Variants in BCL2L11 observed in about 807,000 individuals in gnomAD.
BCL2L11 encodes the protein BCL2 like 11, also known as bcl-2-like protein 11.
A neutral mutation model predicts 20.6 loss-of-function variants in BCL2L11; 15 were observed. The observed-to-expected ratio is 0.73, with a 90% CI of 0.49 to 1.12. BCL2L11 has a LOEUF of 1.12. Ranked by LOEUF, BCL2L11 falls within the 50% of genes most tolerant of loss-of-function variation. The probability of loss-of-function intolerance (pLI) is 0.00; values close to 1 mark genes in which losing one functional copy is unlikely to be tolerated. For synonymous variants in BCL2L11, 108 were observed against 92.8 expected, an observed-to-expected ratio of 1.16 and a Z score of -0.94; for missense variants, 292 against 260.9, an observed-to-expected ratio of 1.12 and a Z score of -0.82.
chr2:111,146,591 A>T (rs1306087208), intron 2 of BCL2L11, among the ~76,000 whole-genome samples: 1 of 152,216 alleles, frequency 6.6e-6, no homozygotes, highest in Non-Finnish European at 1.5e-5. Context: ...GCTAAAGGAA[A>T]TAACAAAACT....
At chr2:111,141,700 G>GTT (rs113902453) in intron 2 of BCL2L11, among the ~76,000 whole-genome samples, 6 of 138,294 alleles carry the variant, frequency 4.3e-5, no homozygotes, top group Non-Finnish European at 6.2e-5. Context: ...ATTCTTGTGA[G>GTT]TTTTTTTTTT....
intron 2 of BCL2L11, among the ~76,000 whole-genome samples, chr2:111,147,327 A>ATCTCTCTCTCTCTCTC (rs367737247): frequency 4.1e-4 from 51 of 125,880 alleles, no homozygotes; most frequent in African/African-American, 1.4e-3. Context: ...AGCCTCCTGT[A>ATCTCTCTCTCTCTCTC]TCTCTCTCTC....
intron 3 of BCL2L11, among the ~76,000 whole-genome samples, chr2:111,160,283 T>C (rs1003005539): frequency 6.6e-5 from 10 of 152,212 alleles, no homozygotes; most frequent in Non-Finnish European, 1.2e-4. Context: ...GTGGTTTTTT[T>C]CCCTCTCATT....
chr2:111,165,467 C>T lies in BCL2L11; in HGVS notation c.*1236C>T, dbSNP rs1309029992. The T allele has an allele frequency of 6.6e-6, 1 of 152,278 alleles. No individual in the cohort carries two copies. The highest frequency in any genetic ancestry group is 1.5e-5 in the Non-Finnish European group (1 of 68,070). 9.4% of individuals were successfully genotyped at this position (152,278 alleles called of 1,614,324 possible). The stretch of plus-strand genomic sequence containing the variant: ...TCACTTTGAAACAGGCCTCATCCCA[C>T]TTCCACCAGCACCATAGAAGAATAA... On this transcript the variant is annotated 3_prime_UTR_variant, in exon 4 of 4. Transcript: ENST00000393256.
intron 2 of BCL2L11, among the ~76,000 whole-genome samples, chr2:111,142,054 A>G (rs1225567059): frequency 6.6e-6 from 1 of 152,214 alleles, no homozygotes; most frequent in African/African-American, 2.4e-5. Context: ...TCTAGGATAC[A>G]GACTCACTGG....
intron 2 of BCL2L11, chr2:111,130,057 C>G (rs2073588933): frequency 2.8e-6 from 1 of 363,408 alleles, no homozygotes; most frequent in Non-Finnish European, 5.3e-6. Context: ...GGCCCTGGCA[C>G]AGCTGGAACT....
rs770602406 is a variant in BCL2L11 at position 111,124,014 on chromosome 2, C to T, written c.269C>T (p.Ser90Phe). The T allele has an allele frequency of 1.2e-6, 2 of 1,614,220 alleles. No individual in the cohort carries two copies. Among genetic ancestry groups the T allele is most frequent in the Admixed American group, 1.7e-5 (1 of 60,032 alleles). ...TTTATGAGAAGATCCTCCCTGCTGTCTCGATCCTCCAGTGGGTATTTCTCT... is the reference window on the plus strand; with the variant it reads ...TTTATGAGAAGATCCTCCCTGCTGTTTCGATCCTCCAGTGGGTATTTCTCT... The part of the protein sequence containing the change: ...FIFMRRSSLL[S>F]RSSSGYFSFD... Residue 90 changes from serine to phenylalanine, a missense_variant, in exon 2 of 4, where the codon TCT becomes TTT. Transcript: ENST00000393256.
Position 111,133,263 on chromosome 2 carries a change from C to T in BCL2L11, c.394+9124C>T, listed in dbSNP as rs374847126. On this transcript the variant is annotated intron_variant, in intron 2 of 3. Transcript: ENST00000393256. ...CCTGCCAAACAGCGTGCTGTGCATT[C>T]ACCTTGGAACTGCCATCCACAAACC... is the stretch of plus-strand genomic sequence containing the variant. 5.8e-4 allele frequency among the ~76,000 whole-genome samples: 88 copies of T among 152,320 alleles called. 2 individuals are homozygous for T. The East Asian group carries it at 0.013, about 22-fold the overall frequency.
intron 3 of BCL2L11, among the ~76,000 whole-genome samples, chr2:111,157,492 T>C (rs772553930): frequency 3.9e-5 from 6 of 152,188 alleles, no homozygotes; most frequent in Admixed American, 6.5e-5. Context: ...TTCCAACTAC[T>C]GGTGCCTCAC....
In BCL2L11 at chr2:111,167,835, T is replaced by A. The variant is rs2079097873; in HGVS notation, c.*3604T>A. The A allele has an allele frequency of 6.5e-6, 1 of 152,838 alleles. No individual in the cohort carries two copies. Among genetic ancestry groups the A allele is most frequent in the Non-Finnish European group, 1.5e-5 (1 of 68,184 alleles). The allele number at this position is 152,838 out of a possible 1,614,324, so 9.5% of individuals were successfully genotyped here. On this transcript the variant is annotated 3_prime_UTR_variant, in exon 4 of 4. Transcript: ENST00000393256. ...TGGTCAGCCTGCTTCTTCAGGTCGA[T>A]GCCCTCCTTCTGATACTCCATCTCC...
intron 2 of BCL2L11, among the ~76,000 whole-genome samples, chr2:111,126,482 A>C (rs2072648167): frequency 6.6e-6 from 1 of 152,244 alleles, no homozygotes; most frequent in African/African-American, 2.4e-5. Context: ...GTACCGAGGT[A>C]AGTTTTCAGT....
chr2:111,131,391 T>C (rs1277410911), intron 2 of BCL2L11: 1 of 152,138 alleles, frequency 6.6e-6, no homozygotes, highest in Non-Finnish European at 1.5e-5. Flanking sequence ...AATTTATGAA[T>C]GTGAAAAGTA....
intron 2 of BCL2L11, among the ~76,000 whole-genome samples, chr2:111,129,297 C>T (rs1183641777): frequency 6.6e-6 from 1 of 152,122 alleles, no homozygotes; most frequent in Admixed American, 6.5e-5. Context: ...CCCAAAGTTA[C>T]TTGTTTGACA....
intron 3 of BCL2L11, chr2:111,161,511 GA>G: frequency 6.5e-7 from 1 of 1,549,812 alleles, no homozygotes; most frequent in African/African-American, 1.4e-5. Context: ...CAGGTCTCAG[GA>G]AGACGGTCAA....
intron 3 of BCL2L11, among the ~76,000 whole-genome samples, chr2:111,151,154 G>A (rs1263681582): frequency 2.0e-5 from 3 of 151,970 alleles, no homozygotes; most frequent in African/African-American, 4.8e-5. Flanking sequence ...TGCCTGCCTC[G>A]GCCTCCCAAA....
intron 2 of BCL2L11, among the ~76,000 whole-genome samples, chr2:111,145,690 C>T (rs576391283): frequency 1.3e-5 from 2 of 152,128 alleles, no homozygotes; most frequent in South Asian, 2.1e-4. Flanking sequence ...AAGAAACATG[C>T]ATCTTTGAGT....
At chr2:111,127,586 G>A (rs57271003) in intron 2 of BCL2L11, among the ~76,000 whole-genome samples, 2,130 of 152,154 alleles carry the variant, frequency 0.014, 52 homozygotes, top group African/African-American at 0.047. Context: ...TTGAGAGTCA[G>A]TCCAGCTCTG....
chr2:111,141,745 C>T (rs1408737266), intron 2 of BCL2L11, among the ~76,000 whole-genome samples: 1 of 149,742 alleles, frequency 6.7e-6, no homozygotes, highest in Non-Finnish European at 1.5e-5. Flanking sequence ...GTCACCCAGG[C>T]TGGAGTGCAA....
intron 2 of BCL2L11, among the ~76,000 whole-genome samples, chr2:111,146,837 A>G (rs1483197682): frequency 1.3e-5 from 2 of 152,232 alleles, no homozygotes. Flanking sequence ...AAGAGTTAAA[A>G]TAAGAGTTTT....
Sources: allele counts gnomAD v4.1 joint callset (sites outside exome capture counted in the v4.1 genomes callset), GRCh38; gene constraint gnomAD v4.1.1; transcripts MANE v1.5; gene names NCBI Gene and HGNC (gene_info 2026-07-23, HGNC 2026-07-21).